The following SWT1 variants were observed in gnomAD, a reference collection of about 807,000 sequenced individuals.
The protein encoded by SWT1 is SWT1 RNA endoribonuclease homolog, also known as transcriptional protein SWT1.
Under a neutral mutation model 107.3 loss-of-function variants are expected in SWT1, and 33 were observed. That is an observed-to-expected ratio of 0.31 (90% CI 0.23 to 0.41). The LOEUF (loss-of-function observed/expected upper bound fraction) is 0.41, where lower values mean the gene tolerates loss of function less well. SWT1 is among the 10% of genes least tolerant of loss of function. The pLI is 1.00. For missense variants in SWT1, 898 were observed against 1,028.9 expected, an observed-to-expected ratio of 0.87 and a Z score of 1.74; for synonymous variants, 345 against 348.3, an observed-to-expected ratio of 0.99 and a Z score of 0.11.
intron 15 of SWT1, chr1:185,227,498 G>C: frequency 1.8e-6 from 1 of 553,770 alleles, no homozygotes; most frequent in Non-Finnish European, 3.3e-6. Flanking sequence ...CTCTCTATAC[G>C]AGCAGAAGCA....
At chr1:185,179,962 G>T (rs1248610860) in intron 5 of SWT1, among the ~76,000 whole-genome samples, 3 of 152,194 alleles carry the variant, frequency 2.0e-5, no homozygotes, top group African/African-American at 7.2e-5. Flanking sequence ...GAGGCAGGTG[G>T]ATCACTTGAA....
chr1:185,223,509 A>G (rs1047194410), intron 15 of SWT1, among the ~76,000 whole-genome samples: 1 of 151,350 alleles, frequency 6.6e-6, no homozygotes, highest in African/African-American at 2.4e-5. Flanking sequence ...GATAATAGCC[A>G]CTCTAACTGG....
At chr1:185,228,682 T>C (rs960671071) in intron 15 of SWT1, among the ~76,000 whole-genome samples, 11 of 152,130 alleles carry the variant, frequency 7.2e-5, no homozygotes, top group Admixed American at 3.3e-4. Context: ...TGTCATTTGA[T>C]CATGACGCCT....
chr1:185,209,330 C>A (rs180967469), intron 13 of SWT1, among the ~76,000 whole-genome samples: 6 of 152,104 alleles, frequency 3.9e-5, no homozygotes, highest in South Asian at 4.2e-4. Flanking sequence ...CTGCACCCAT[C>A]AACCCATCAT....
chr1:185,215,122 A>G (rs1659117806), intron 14 of SWT1, among the ~76,000 whole-genome samples: 1 of 152,202 alleles, frequency 6.6e-6, no homozygotes, highest in Non-Finnish European at 1.5e-5. Flanking sequence ...TAAAATGGTT[A>G]CAAGAGCAGT....
chr1:185,266,322 C>G (rs1663388175), intron 16 of SWT1, among the ~76,000 whole-genome samples: 1 of 152,212 alleles, frequency 6.6e-6, no homozygotes. Context: ...CCTTGGCCTC[C>G]CAAAGTGCTG....
chr1:185,186,624 A>T (rs1656489667), intron 9 of SWT1, among the ~76,000 whole-genome samples: 1 of 152,208 alleles, frequency 6.6e-6, no homozygotes, highest in South Asian at 2.1e-4. Context: ...AGATTAAAAA[A>T]ATATGTGAAG....
At chr1:185,195,163 G>T (rs190673354) in intron 10 of SWT1, among the ~76,000 whole-genome samples, 2 of 151,894 alleles carry the variant, frequency 1.3e-5, no homozygotes, top group Non-Finnish European at 2.9e-5. Context: ...TCAACCACCC[G>T]ACAGGCCCCG....
chr1:185,288,837 T>G (rs1018220217), intron 18 of SWT1, among the ~76,000 whole-genome samples: 4 of 152,174 alleles, frequency 2.6e-5, no homozygotes, highest in African/African-American at 9.7e-5. Context: ...GTCCTACAAT[T>G]TGGGATTCCA....
intron 18 of SWT1, among the ~76,000 whole-genome samples, chr1:185,289,848 G>T (rs1033321725): frequency 3.3e-4 from 50 of 152,140 alleles, no homozygotes; most frequent in African/African-American, 1.1e-3. Flanking sequence ...AGGATGGGGG[G>T]CTTTGAGGAG....
chr1:185,204,679 C>A (rs533137684), intron 11 of SWT1, 21 bp from the exon 12 acceptor site: 2 of 1,474,356 alleles, frequency 1.4e-6, no homozygotes, highest in Non-Finnish European at 1.8e-6. Flanking sequence ...TAAATAAAGT[C>A]TGTAACTATT....
chr1:185,262,421 A>G (rs1241290973), intron 16 of SWT1: 1 of 152,240 alleles, frequency 6.6e-6, no homozygotes, highest in Non-Finnish European at 1.5e-5. Flanking sequence ...AAGCAAAGAA[A>G]GTATTTAACA....
At chr1:185,209,248 G>A (rs779847219) in intron 13 of SWT1, among the ~76,000 whole-genome samples, 2 of 151,616 alleles carry the variant, frequency 1.3e-5, no homozygotes, top group Non-Finnish European at 2.9e-5. Flanking sequence ...ATTATTATAC[G>A]TTAAGCTCTT....
intron 10 of SWT1, among the ~76,000 whole-genome samples, chr1:185,201,562 T>G (rs563416028): frequency 6.6e-6 from 1 of 152,294 alleles, no homozygotes; most frequent in African/African-American, 2.4e-5. Context: ...TGCTTCAGCT[T>G]GCCCTCTGAG....
intron 16 of SWT1, among the ~76,000 whole-genome samples, chr1:185,250,908 C>T (rs1026587628): frequency 2.0e-5 from 3 of 152,188 alleles, no homozygotes; most frequent in Admixed American, 1.3e-4. Flanking sequence ...GGTTATCTGG[C>T]CTCCTCGGCC....
intron 5 of SWT1, among the ~76,000 whole-genome samples, chr1:185,178,023 TA>T (rs771644314): frequency 3.3e-5 from 5 of 151,884 alleles, no homozygotes; most frequent in South Asian, 2.1e-4. Flanking sequence ...GACTAGTAAG[TA>T]AAAAAAATAT....
chr1:185,198,143 G>C (rs1388606247), intron 10 of SWT1, among the ~76,000 whole-genome samples: 1 of 152,078 alleles, frequency 6.6e-6, no homozygotes. Flanking sequence ...TTGTGTCTTT[G>C]TTCTGACTGG....
At chr1:185,186,007 G>T (rs955408371) in intron 9 of SWT1, among the ~76,000 whole-genome samples, 21 of 152,056 alleles carry the variant, frequency 1.4e-4, no homozygotes, top group African/African-American at 4.8e-4. Flanking sequence ...AGGAACATAG[G>T]ATTTGAAATA....
Position 185,264,547 on chromosome 1 carries a change from G to T in SWT1, c.2442-6776G>T, listed in dbSNP as rs1024260118. ...GAATTTTTCCAAGTATGTTACCTAT[G>T]TTAACTCATTTAATCATCTTAATAT... is the stretch of plus-strand genomic sequence containing the variant. On this transcript the variant is annotated intron_variant, in intron 16 of 18. Transcript: ENST00000367500. 19 of 705,448 alleles carry T rather than the reference G, an allele frequency of 2.7e-5. No homozygotes were observed. The African/African-American group carries it at 3.1e-4, about 11-fold the overall frequency. 43.7% of individuals were successfully genotyped at this position (705,448 alleles called of 1,614,324 possible). A position where few individuals can be genotyped will look rare whatever the true frequency, so the allele number is the denominator to read the frequency against.
Sources: gnomAD v4.1 joint callset for allele counts (sites outside exome capture counted in the v4.1 genomes callset) on GRCh38, gnomAD v4.1.1 for gene constraint, MANE v1.5 for transcripts, NCBI Gene and HGNC (gene_info 2026-07-23, HGNC 2026-07-21) for gene names.